The following NINL variants were observed in gnomAD, a reference collection of about 807,000 sequenced individuals.
The protein encoded by NINL is ninein like.
A neutral mutation model predicts 160.3 loss-of-function variants in NINL; 153 were observed. That is an observed-to-expected ratio of 0.95 (90% CI 0.84 to 1.09). The LOEUF is 1.09. Among genes scored for constraint, NINL ranks in the 50% least tolerant of loss-of-function variants. The probability of loss-of-function intolerance (pLI) is 0.00; values close to 1 mark genes in which losing one functional copy is unlikely to be tolerated. For missense variants in NINL, 1,829 were observed against 1,764.0 expected (o/e 1.04, Z -0.66); for synonymous variants, 800 against 734.8 (o/e 1.09, Z -1.43).
At chr20:25,472,324 G>GAGATATATATATATATAT (rs1491225365) in intron 17 of NINL, among the ~76,000 whole-genome samples, 1 of 83,956 alleles carries the variant, frequency 1.2e-5, no homozygotes, top group African/African-American at 4.3e-5. Flanking sequence ...GGGAGGAGAG[G>GAGATATATATATATATAT]ATATATATAT....
intron 5 of NINL, among the ~76,000 whole-genome samples, chr20:25,506,192 C>T (rs563961561): frequency 3.4e-4 from 52 of 152,232 alleles, no homozygotes; most frequent in African/African-American, 9.9e-4. Context: ...ACCCAAGAGG[C>T]GGACATTGCA....
At chr20:25,512,798 A>T (rs758961358) in intron 4 of NINL, 36 bp downstream of exon 4, 16 of 1,575,604 alleles carry the variant, frequency 1.0e-5, no homozygotes, top group Non-Finnish European at 1.1e-5. Flanking sequence ...TATTCCCAAC[A>T]CTGGGCAGCT....
intron 17 of NINL, among the ~76,000 whole-genome samples, chr20:25,471,467 T>C (rs2063092387): frequency 6.6e-6 from 1 of 152,094 alleles, no homozygotes; most frequent in African/African-American, 2.4e-5. Flanking sequence ...GGAGAACAAG[T>C]TGATGCAAGG....
At chr20:25,462,267 G>C in intron 20 of NINL, 116 bp downstream of exon 20, 1 of 926,880 alleles carries the variant, frequency 1.1e-6, no homozygotes. Flanking sequence ...GGCATGCTTG[G>C]GAAGTCCCTC....
chr20:25,529,331 A>G (rs1217243708), intron 1 of NINL, among the ~76,000 whole-genome samples: 1 of 152,204 alleles, frequency 6.6e-6, no homozygotes, highest in Non-Finnish European at 1.5e-5. Context: ...GTAGAAGGTG[A>G]ACACATCTGA....
At chr20:25,580,325 C>A (rs1330232168) in intron 1 of NINL, among the ~76,000 whole-genome samples, 1 of 149,280 alleles carries the variant, frequency 6.7e-6, no homozygotes, top group Non-Finnish European at 1.5e-5. Context: ...CAGAGTGAGA[C>A]TCCACCTAAA....
At chr20:25,502,027 G>A (rs1401771803) in intron 7 of NINL, among the ~76,000 whole-genome samples, 3 of 151,962 alleles carry the variant, frequency 2.0e-5, no homozygotes, top group African/African-American at 7.3e-5. Context: ...TGTCACCCAC[G>A]CTGGAGTGCA....
intron 4 of NINL, among the ~76,000 whole-genome samples, chr20:25,511,011 C>T (rs1047696913): frequency 6.6e-6 from 1 of 152,154 alleles, no homozygotes; most frequent in Non-Finnish European, 1.5e-5. Flanking sequence ...TCAATATAAA[C>T]CCAGTCATCA....
At chr20:25,524,463 A>T (rs1568941168) in intron 2 of NINL, among the ~76,000 whole-genome samples, 1 of 152,178 alleles carries the variant, frequency 6.6e-6, no homozygotes, top group Non-Finnish European at 1.5e-5. Context: ...TGGCTATCCC[A>T]GGGGGAGCTG....
At chr20:25,572,285 G>T (rs2065063069) in intron 1 of NINL, among the ~76,000 whole-genome samples, 1 of 151,578 alleles carries the variant, frequency 6.6e-6, no homozygotes, top group African/African-American at 2.4e-5. Context: ...AAAGGTTGAG[G>T]GGAAAAAAAA....
At chr20:25,515,391 G>T (rs1257691891) in intron 3 of NINL, among the ~76,000 whole-genome samples, 1 of 152,200 alleles carries the variant, frequency 6.6e-6, no homozygotes, top group Non-Finnish European at 1.5e-5. Flanking sequence ...ATTGTATCTT[G>T]GAAGTACCTA....
chr20:25,506,892 G>GA (rs1258582266), intron 5 of NINL, among the ~76,000 whole-genome samples: 1 of 152,120 alleles, frequency 6.6e-6, no homozygotes, highest in Non-Finnish European at 1.5e-5. Context: ...CATATCTCTA[G>GA]AAAAAATATA....
chr20:25,462,367 G>C lies in NINL; in HGVS notation c.3582+16C>G. On this transcript the variant is annotated intron_variant, in intron 20 of 23. Coordinates refer to ENST00000278886, the MANE Select transcript of NINL (RefSeq NM_025176.6). Reference sequence around the variant, plus strand: ...CCCAGCCTCCAGCTCAGCTCCCTGCGGCTGAGGCCACCCACCTGCTGCTGC... The same window carrying C: ...CCCAGCCTCCAGCTCAGCTCCCTGCCGCTGAGGCCACCCACCTGCTGCTGC... 6.2e-7 allele frequency: 1 copy of C among 1,611,248 alleles called. No individual in the cohort carries two copies. The highest frequency in any genetic ancestry group is 1.1e-5 in the South Asian group (1 of 90,728).
chr20:25,499,970 A>AAAT (rs2063835282), intron 8 of NINL, among the ~76,000 whole-genome samples: 2 of 151,316 alleles, frequency 1.3e-5, no homozygotes, highest in African/African-American at 4.9e-5. Context: ...AAAAAAAAAA[A>AAAT]ATTTAGCCAG....
chr20:25,549,308 G>C (rs1202599512), intron 1 of NINL, among the ~76,000 whole-genome samples: 1 of 150,436 alleles, frequency 6.6e-6, no homozygotes, highest in East Asian at 2.0e-4. Context: ...ACCCAGGGCT[G>C]ACCCCAGCAC....
chr20:25,514,223 C>T (rs2064123688), intron 3 of NINL, among the ~76,000 whole-genome samples: 2 of 152,334 alleles, frequency 1.3e-5, no homozygotes, highest in African/African-American at 4.8e-5. Flanking sequence ...AAAAAGGTCA[C>T]ACTTGCTACG....
At chr20:25,581,956 A>G (rs1471263549) in intron 1 of NINL, among the ~76,000 whole-genome samples, 3 of 152,244 alleles carry the variant, frequency 2.0e-5, no homozygotes, top group Admixed American at 6.5e-5. Context: ...AAACTGCTCA[A>G]TTAAATTTTG....
intron 13 of NINL, among the ~76,000 whole-genome samples, chr20:25,485,730 A>G (rs2063492755): frequency 6.6e-6 from 1 of 152,170 alleles, no homozygotes; most frequent in South Asian, 2.1e-4. Context: ...TATTATTGTA[A>G]AAATCTATTA....
chr20:25,454,707 C>T (rs1215185422), intron 23 of NINL, among the ~76,000 whole-genome samples: 1 of 152,134 alleles, frequency 6.6e-6, no homozygotes, highest in South Asian at 2.1e-4. Context: ...TGTGTGTGCA[C>T]CCCACACCCG....
Sources: allele counts gnomAD v4.1 joint callset (sites outside exome capture counted in the v4.1 genomes callset), GRCh38; gene constraint gnomAD v4.1.1; transcripts MANE v1.5; gene names NCBI Gene and HGNC (gene_info 2026-07-23, HGNC 2026-07-21).